Variants in ZNF385D observed in about 807,000 individuals in gnomAD.
The protein encoded by ZNF385D is zinc finger protein 659.
Under a neutral mutation model 35.8 loss-of-function variants are expected in ZNF385D, and 15 were observed. The ratio of observed to expected loss-of-function variants is 0.42; its 90% CI spans 0.28 to 0.64. The LOEUF (loss-of-function observed/expected upper bound fraction) is 0.64, where lower values mean the gene tolerates loss of function less well. Among genes scored for constraint, ZNF385D ranks in the 30% least tolerant of loss-of-function variants. The pLI is 0.23. For missense variants in ZNF385D, 474 were observed against 494.6 expected, an observed-to-expected ratio of 0.96 and a Z score of 0.39; for synonymous variants, 212 against 186.8, an observed-to-expected ratio of 1.13 and a Z score of -1.10.
chr3:22,001,849 C>T (rs1430457668), intron 3 of ZNF385D, among the ~76,000 whole-genome samples: 1 of 151,708 alleles, frequency 6.6e-6, no homozygotes, highest in Non-Finnish European at 1.5e-5. Context: ...TGAATGACTA[C>T]TGTATCAAAA....
At chr3:22,039,657 C>T (rs1698544417) in intron 3 of ZNF385D, among the ~76,000 whole-genome samples, 1 of 152,040 alleles carries the variant, frequency 6.6e-6, no homozygotes, top group African/African-American at 2.4e-5. Context: ...AAAGGAGAAA[C>T]CGTAGCTTCA....
intron 1 of ZNF385D, among the ~76,000 whole-genome samples, chr3:21,680,223 A>G (rs1245919013): frequency 6.6e-6 from 1 of 152,034 alleles, no homozygotes; most frequent in East Asian, 1.9e-4. Context: ...ACATTCATTC[A>G]ATATTTATTG....
At chr3:22,071,860 G>A (rs1700242745) in intron 3 of ZNF385D, among the ~76,000 whole-genome samples, 1 of 152,078 alleles carries the variant, frequency 6.6e-6, no homozygotes, top group African/African-American at 2.4e-5. Flanking sequence ...ATCTGTGGCT[G>A]GGGCATTTGA....
At chr3:21,460,265 A>G (rs1191047026) in intron 4 of ZNF385D, among the ~76,000 whole-genome samples, 2 of 152,130 alleles carry the variant, frequency 1.3e-5, no homozygotes, top group African/African-American at 2.4e-5. Context: ...ACTAACGTAA[A>G]TTTGAAGAAG....
intron 2 of ZNF385D, among the ~76,000 whole-genome samples, chr3:22,268,038 A>G (rs567474413): frequency 4.1e-4 from 63 of 152,118 alleles, no homozygotes; most frequent in African/African-American, 1.3e-3. Flanking sequence ...GTAAGTATGC[A>G]CTACAAGAGA....
chr3:22,035,100 T>C (rs150408306), intron 3 of ZNF385D, among the ~76,000 whole-genome samples: 6 of 152,334 alleles, frequency 3.9e-5, no homozygotes, highest in South Asian at 2.1e-4. Flanking sequence ...AGTAACATTA[T>C]CCTACATTTG....
intron 3 of ZNF385D, among the ~76,000 whole-genome samples, chr3:21,973,690 C>G (rs998429711): frequency 6.6e-6 from 1 of 151,952 alleles, no homozygotes. Flanking sequence ...AAGACTCTGA[C>G]AGAAAACCAC....
At chr3:22,146,175 T>A (rs1179498454) in intron 3 of ZNF385D, among the ~76,000 whole-genome samples, 1 of 152,198 alleles carries the variant, frequency 6.6e-6, no homozygotes, top group East Asian at 1.9e-4. Context: ...CCATCTGGTC[T>A]ACTAAAAAAG....
chr3:21,868,218 T>A (rs930389101), intron 3 of ZNF385D, among the ~76,000 whole-genome samples: 1 of 152,112 alleles, frequency 6.6e-6, no homozygotes, highest in Non-Finnish European at 1.5e-5. Flanking sequence ...AACTCACTTA[T>A]TGCACTGAAA....
intron 2 of ZNF385D, among the ~76,000 whole-genome samples, chr3:21,603,515 A>G (rs1455948277): frequency 6.6e-6 from 1 of 152,242 alleles, no homozygotes; most frequent in Non-Finnish European, 1.5e-5. Flanking sequence ...TTACATCTGT[A>G]CAGTTTATAT....
chr3:21,421,614 C>T (rs1700742936), intron 7 of ZNF385D, among the ~76,000 whole-genome samples, 167 bp from the exon 8 acceptor site: 1 of 151,980 alleles, frequency 6.6e-6, no homozygotes, highest in African/African-American at 2.4e-5. Flanking sequence ...GAACATTTTC[C>T]CTTTGGAAGA....
At chr3:22,187,019 G>C (rs1695679539) in intron 2 of ZNF385D, among the ~76,000 whole-genome samples, 1 of 152,084 alleles carries the variant, frequency 6.6e-6, no homozygotes, top group Admixed American at 6.6e-5. Context: ...AAGTCGCAGA[G>C]CTGGGTTTTG....
At chr3:21,923,423 G>A (rs1348544661) in intron 3 of ZNF385D, among the ~76,000 whole-genome samples, 1 of 152,190 alleles carries the variant, frequency 6.6e-6, no homozygotes, top group Non-Finnish European at 1.5e-5. Context: ...ATGTAAATTA[G>A]TTCAGCCACT....
intron 3 of ZNF385D, among the ~76,000 whole-genome samples, chr3:22,009,634 TA>T (rs11335620): frequency 0.59 from 77,584 of 132,548 alleles, 22,850 homozygotes; most frequent in African/African-American, 0.81. Context: ...AAAAAAAAAA[TA>T]AAAAAAAAAA....
At chr3:22,198,827 T>A (rs887190692) in intron 2 of ZNF385D, among the ~76,000 whole-genome samples, 8 of 152,098 alleles carry the variant, frequency 5.3e-5, no homozygotes, top group Admixed American at 1.3e-4. Flanking sequence ...TAAGTTAGAT[T>A]TCACCACTTC....
At chr3:22,229,801 G>T (rs938288507) in intron 2 of ZNF385D, among the ~76,000 whole-genome samples, 7 of 151,982 alleles carry the variant, frequency 4.6e-5, no homozygotes, top group Non-Finnish European at 1.0e-4. Flanking sequence ...GGTCTCTGAG[G>T]TCTCCCCTTG....
chr3:21,578,476 T>C (rs1211627763), intron 2 of ZNF385D, among the ~76,000 whole-genome samples: 1 of 152,188 alleles, frequency 6.6e-6, no homozygotes, highest in Non-Finnish European at 1.5e-5. Flanking sequence ...CATTTAGATT[T>C]TTAATCAATT....
At chr3:21,961,115 T>G (rs1702563994) in intron 3 of ZNF385D, among the ~76,000 whole-genome samples, 1 of 152,094 alleles carries the variant, frequency 6.6e-6, no homozygotes, top group South Asian at 2.1e-4. Flanking sequence ...AGACACGTGT[T>G]AATTATCCTG....
intron 4 of ZNF385D, among the ~76,000 whole-genome samples, chr3:21,508,873 G>A (rs903141925): frequency 6.6e-6 from 1 of 151,842 alleles, no homozygotes; most frequent in African/African-American, 2.4e-5. Context: ...CTGACCCTTT[G>A]GATTATTCTA....
Sources: gnomAD v4.1 joint callset for allele counts (sites outside exome capture counted in the v4.1 genomes callset) on GRCh38, gnomAD v4.1.1 for gene constraint, MANE v1.5 for transcripts, NCBI Gene and HGNC (gene_info 2026-07-23, HGNC 2026-07-21) for gene names.